ITPR1: variants seen among roughly 807,000 people sequenced by gnomAD.
ITPR1 encodes inositol 1,4,5-trisphosphate-gated calcium channel ITPR1.
A neutral mutation model predicts 318.4 loss-of-function variants in ITPR1; 96 were observed. The ratio of observed to expected loss-of-function variants is 0.30; its 90% CI spans 0.26 to 0.36. ITPR1 has a LOEUF of 0.36. Among genes scored for constraint, ITPR1 ranks in the 10% least tolerant of loss-of-function variants. The pLI is 1.00. For synonymous variants in ITPR1, 1,312 were observed against 1,289.9 expected, an observed-to-expected ratio of 1.02 and a Z score of -0.37; for missense variants, 2,440 against 3,460.2, an observed-to-expected ratio of 0.71 and a Z score of 7.40.
chr3:4,650,638 TGTGTGTGC>T (rs2093573957), intron 10 of ITPR1, among the ~76,000 whole-genome samples: 1 of 142,280 alleles, frequency 7.0e-6, no homozygotes, highest in African/African-American at 2.8e-5. Context: ...TGTGTGTGTG[TGTGTGTGC>T]GCGCGTCTGT....
At chr3:4,815,287 G>C in intron 59 of ITPR1, 69 bp downstream of exon 59, 2 of 1,506,588 alleles carry the variant, frequency 1.3e-6, no homozygotes, top group Non-Finnish European at 1.8e-6. Context: ...TGGATACTGC[G>C]AGGGTGTGAT....
intron 10 of ITPR1, among the ~76,000 whole-genome samples, chr3:4,647,082 T>A (rs1006358041): frequency 6.6e-6 from 1 of 152,124 alleles, no homozygotes; most frequent in Non-Finnish European, 1.5e-5. Flanking sequence ...AGGCAATGTT[T>A]CCTTTTTCCT....
chr3:4,782,689 G>T lies in ITPR1; in HGVS notation c.6458G>T (p.Gly2153Val). The change falls in exon 50 of 62, where the codon GGG becomes GTG. Residue 2153 changes from glycine to valine, a missense_variant. Around this residue, in one of 23 missense-constraint regions of ITPR1, gnomAD observed 115 missense variants for 204.5 expected, o/e 0.56. Coordinates refer to ENST00000649015, the MANE Select transcript of ITPR1 (RefSeq NM_001378452.1). ...EFEDGENGED[G>V]AASPRNVGHN... ...GAGGATGGAGAAAACGGTGAGGATG[G>T]GGCGGCGTCCCCCAGGAACGTGGGG... is the stretch of plus-strand genomic sequence containing the variant. 1 of 1,600,348 alleles carries T rather than the reference G, an allele frequency of 6.2e-7. No homozygotes were observed. Among genetic ancestry groups the T allele is most frequent in the South Asian group, 1.1e-5 (1 of 88,698 alleles).
chr3:4,625,498 G>T (rs1158899238), intron 4 of ITPR1, among the ~76,000 whole-genome samples: 3 of 152,152 alleles, frequency 2.0e-5, no homozygotes, highest in Admixed American at 1.3e-4. Flanking sequence ...TGCTTGTCCA[G>T]ACCTACTTTC....
At chr3:4,650,752 T>G (rs6442893) in intron 10 of ITPR1, among the ~76,000 whole-genome samples, 123,547 of 151,642 alleles carry the variant, frequency 0.81, 51,071 homozygotes, top group East Asian at 1. Context: ...ATGTTTATGA[T>G]TCAAATATTT....
At position 4,782,718 on chromosome 3, in the gene ITPR1, A is replaced by G; in HGVS notation, c.6487A>G (p.Asn2163Asp). The G allele has an allele frequency of 6.3e-7, 1 of 1,585,978 alleles. No individual in the cohort carries two copies. Among genetic ancestry groups the G allele is most frequent in the African/African-American group, 1.3e-5 (1 of 74,194 alleles). Residue 2163 changes from asparagine to aspartate, a missense_variant, in exon 50 of 62, where the codon AAC (asparagine) becomes GAC (aspartate). Transcript: ENST00000649015. ...GAASPRNVGH[N>D]IYILAHQLAR... ...GGCGTCCCCCAGGAACGTGGGGCAC[A>G]ACATCTACATATTAGCCCATCAGGT... is the stretch of plus-strand genomic sequence containing the variant.
In ITPR1 at chr3:4,576,579, T is replaced by G. The variant is rs556836356; in HGVS notation, c.164-51184T>G. Among the ~76,000 whole-genome samples, 5 of 152,158 alleles carry G rather than the reference T, an allele frequency of 3.3e-5. No homozygotes were observed. In the East Asian group the frequency reaches 9.6e-4, roughly 29 times the overall value. On this transcript the variant is annotated intron_variant, in intron 4 of 61. Coordinates refer to ENST00000649015, the MANE Select transcript of ITPR1 (RefSeq NM_001378452.1). ...CATTCCTGAGACAGAAAAAGAAAAT[T>G]TATCTAGAAACAATAAATATGCCAG...
At chr3:4,573,978 T>A (rs947292048) in intron 4 of ITPR1, among the ~76,000 whole-genome samples, 2 of 152,198 alleles carry the variant, frequency 1.3e-5, no homozygotes, top group African/African-American at 4.8e-5. Context: ...TAACTATTTG[T>A]GGAATGAGTG....
At chr3:4,795,457 C>G (rs975210469) in intron 53 of ITPR1, among the ~76,000 whole-genome samples, 1 of 152,174 alleles carries the variant, frequency 6.6e-6, no homozygotes, top group African/African-American at 2.4e-5. Flanking sequence ...TAATCAGCCC[C>G]TTCTTTTATA....
chr3:4,585,206 A>T (rs944248665), intron 4 of ITPR1, among the ~76,000 whole-genome samples: 1 of 152,228 alleles, frequency 6.6e-6, no homozygotes, highest in Non-Finnish European at 1.5e-5. Context: ...TATGCTAGGT[A>T]TGTTATGAAC....
intron 44 of ITPR1, among the ~76,000 whole-genome samples, chr3:4,738,773 C>T (rs2043475044): frequency 6.6e-6 from 1 of 151,900 alleles, no homozygotes; most frequent in African/African-American, 2.4e-5. Flanking sequence ...TACTCATACA[C>T]CCAGGCTGTA....
intron 2 of ITPR1, among the ~76,000 whole-genome samples, chr3:4,514,437 A>G (rs1440630628): frequency 6.6e-6 from 1 of 152,164 alleles, no homozygotes; most frequent in Non-Finnish European, 1.5e-5. Context: ...TTGTCACTCG[A>G]GGACACTGAA....
At chr3:4,660,362 T>TA (rs555518196) in intron 13 of ITPR1, among the ~76,000 whole-genome samples, 1 of 152,202 alleles carries the variant, frequency 6.6e-6, no homozygotes, top group African/African-American at 2.4e-5. Context: ...AATAACCTTT[T>TA]AATGCAATGG....
intron 4 of ITPR1, among the ~76,000 whole-genome samples, chr3:4,539,858 G>T (rs1454487463): frequency 6.6e-6 from 1 of 152,042 alleles, no homozygotes; most frequent in Non-Finnish European, 1.5e-5. Flanking sequence ...CAAGAGGGCT[G>T]TCACCAGATG....
chr3:4,689,288 C>T (rs1479457943), intron 31 of ITPR1, among the ~76,000 whole-genome samples: 1 of 149,054 alleles, frequency 6.7e-6, no homozygotes, highest in Non-Finnish European at 1.5e-5. Context: ...GTAAACAATA[C>T]TGCAAAGGAC....
intron 61 of ITPR1, among the ~76,000 whole-genome samples, chr3:4,842,431 G>A (rs1049485270): frequency 3.3e-5 from 5 of 152,244 alleles, no homozygotes; most frequent in African/African-American, 7.2e-5. Context: ...GCAGTGGCAC[G>A]ATCTCAGCTC....
chr3:4,543,912 T>A (rs1380319418), intron 4 of ITPR1, among the ~76,000 whole-genome samples: 1 of 152,232 alleles, frequency 6.6e-6, no homozygotes, highest in Non-Finnish European at 1.5e-5. Context: ...ATCCTTAGTG[T>A]ATGGGTGCCC....
chr3:4,632,655 T>G (rs2125136575), intron 5 of ITPR1, among the ~76,000 whole-genome samples: 1 of 152,330 alleles, frequency 6.6e-6, no homozygotes, highest in Non-Finnish European at 1.5e-5. Context: ...TGGCTCAGGC[T>G]GGATGTGGTT....
intron 4 of ITPR1, among the ~76,000 whole-genome samples, chr3:4,549,698 A>G (rs532577076): frequency 5.3e-5 from 8 of 152,106 alleles, no homozygotes; most frequent in African/African-American, 1.7e-4. Context: ...TGGGTTCTTC[A>G]TCTTGGGTTT....
Sources: allele counts gnomAD v4.1 joint callset (sites outside exome capture counted in the v4.1 genomes callset), GRCh38; gene constraint gnomAD v4.1.1; regional missense constraint gnomAD v4.1.1; transcripts MANE v1.5; gene names NCBI Gene and HGNC (gene_info 2026-07-23, HGNC 2026-07-21).